The following TAFA5 variants were observed in gnomAD, a reference collection of about 807,000 sequenced individuals.
TAFA5 encodes the protein chemokine-like protein TAFA-5.
Under a neutral mutation model 15.3 loss-of-function variants are expected in TAFA5, and 6 were observed. The observed-to-expected ratio is 0.39, with a 90% CI of 0.21 to 0.77. TAFA5 has a LOEUF of 0.77. Among genes scored for constraint, TAFA5 ranks in the 30% least tolerant of loss-of-function variants. The probability of loss-of-function intolerance (pLI) is 0.41; values close to 1 mark genes in which losing one functional copy is unlikely to be tolerated. For synonymous variants in TAFA5, 103 were observed against 80.7 expected, an observed-to-expected ratio of 1.28 and a Z score of -1.48; for missense variants, 161 against 193.1, an observed-to-expected ratio of 0.83 and a Z score of 0.98.
At chr22:48,737,743 T>C (rs1306581676) in intron 3 of TAFA5, among the ~76,000 whole-genome samples, 1 of 152,182 alleles carries the variant, frequency 6.6e-6, no homozygotes, top group Non-Finnish European at 1.5e-5. Flanking sequence ...TCCCTAGCGC[T>C]GGATGTGACT....
chr22:48,558,394 G>C (rs918423886), intron 1 of TAFA5, among the ~76,000 whole-genome samples: 1 of 152,130 alleles, frequency 6.6e-6, no homozygotes, highest in African/African-American at 2.4e-5. Flanking sequence ...CTGACATAAC[G>C]CTCTTTAATG....
chr22:48,528,932 A>T (rs1434789863), intron 1 of TAFA5, among the ~76,000 whole-genome samples: 1 of 152,126 alleles, frequency 6.6e-6, no homozygotes, highest in South Asian at 2.1e-4. Flanking sequence ...CAGGGAGACA[A>T]TGAGGGGGTA....
At chr22:48,743,335 CCTCTGT>C (rs1930236161) in intron 3 of TAFA5, among the ~76,000 whole-genome samples, 2 of 152,220 alleles carry the variant, frequency 1.3e-5, no homozygotes, top group Non-Finnish European at 2.9e-5. Context: ...GTGGCTCCCG[CCTCTGT>C]CTCTGTCTGC....
rs529104677 is a variant in TAFA5, at chr22:48,632,104, C to T, written c.113-14493C>T. Among the ~76,000 whole-genome samples, 7 of 152,352 alleles carry T rather than the reference C, an allele frequency of 4.6e-5. No homozygotes were observed. In the South Asian group the frequency reaches 1.2e-3, roughly 27 times the overall value. Reference sequence around the variant, plus strand: ...GGCCGGACGTGGTCTTCCTAAAGGTCATCTCCTACCTGGGAGTTGGGAGCG... The same window carrying T: ...GGCCGGACGTGGTCTTCCTAAAGGTTATCTCCTACCTGGGAGTTGGGAGCG... On this transcript the variant is annotated intron_variant, in intron 1 of 3. Coordinates refer to ENST00000402357, the MANE Select transcript of TAFA5 (RefSeq NM_001082967.3).
chr22:48,630,591 C>A (rs556621043), intron 1 of TAFA5, among the ~76,000 whole-genome samples: 99 of 152,248 alleles, frequency 6.5e-4, no homozygotes, highest in Non-Finnish European at 1.2e-3. Flanking sequence ...ATTGGTGGGG[C>A]CAGGTGGACC....
At chr22:48,585,850 GAC>G (rs143322116) in intron 1 of TAFA5, among the ~76,000 whole-genome samples, 2 of 151,602 alleles carry the variant, frequency 1.3e-5, no homozygotes, top group East Asian at 2.0e-4. Context: ...CACATGCCAA[GAC>G]ACACACACAC....
chr22:48,542,274 TGG>T (rs199651526), intron 1 of TAFA5, among the ~76,000 whole-genome samples: 5 of 134,218 alleles, frequency 3.7e-5, no homozygotes, highest in East Asian at 2.4e-4. Flanking sequence ...GTGGTGTGTG[TGG>T]GGGGTGTGTG....
intron 1 of TAFA5, among the ~76,000 whole-genome samples, chr22:48,542,695 G>T (rs1922499167): frequency 1.4e-5 from 2 of 137,996 alleles, no homozygotes; most frequent in South Asian, 2.5e-4. Context: ...TGTATGTGTG[G>T]TGTGTGTGAT....
intron 2 of TAFA5, among the ~76,000 whole-genome samples, chr22:48,654,616 C>G (rs1927173504): frequency 1.3e-5 from 2 of 152,224 alleles, no homozygotes; most frequent in African/African-American, 4.8e-5. Context: ...TGCAGGCCTC[C>G]CGGCACTGAC....
chr22:48,728,719 G>A (rs779788105), intron 3 of TAFA5, among the ~76,000 whole-genome samples: 3 of 152,102 alleles, frequency 2.0e-5, no homozygotes, highest in South Asian at 2.1e-4. Context: ...CAACTTAAGC[G>A]GGAGGAAAAG....
At chr22:48,644,498 T>C (rs975266434) in intron 1 of TAFA5, among the ~76,000 whole-genome samples, 3 of 152,168 alleles carry the variant, frequency 2.0e-5, no homozygotes, top group Admixed American at 6.5e-5. Flanking sequence ...AGTCATCCAG[T>C]GCCTCCTGGT....
chr22:48,571,254 TTTG>T (rs958639208), intron 1 of TAFA5, among the ~76,000 whole-genome samples: 7 of 151,664 alleles, frequency 4.6e-5, no homozygotes, highest in African/African-American at 1.2e-4. Flanking sequence ...AGAACATTTT[TTTG>T]TTGTTGTTGT....
At chr22:48,581,741 T>G (rs1361962510) in intron 1 of TAFA5, among the ~76,000 whole-genome samples, 1 of 152,184 alleles carries the variant, frequency 6.6e-6, no homozygotes, top group East Asian at 1.9e-4. Context: ...TCATAGGTGT[T>G]CATATCATTG....
At chr22:48,729,897 G>A (rs1980543) in intron 3 of TAFA5, among the ~76,000 whole-genome samples, 34,750 of 151,812 alleles carry the variant, frequency 0.23, 4,246 homozygotes, top group Admixed American at 0.32. Context: ...GCCAGGCACC[G>A]TGTCAGGCAC....
At chr22:48,596,728 C>T (rs1924777850) in intron 1 of TAFA5, among the ~76,000 whole-genome samples, 1 of 139,306 alleles carries the variant, frequency 7.2e-6, no homozygotes, top group African/African-American at 2.7e-5. Context: ...CGTATCGTGA[C>T]GTGCGTCCAC....
chr22:48,716,902 A>G (rs1241572524), intron 3 of TAFA5, among the ~76,000 whole-genome samples: 3 of 152,210 alleles, frequency 2.0e-5, no homozygotes, highest in African/African-American at 7.2e-5. Flanking sequence ...GAATTTTCTA[A>G]AAGAAATGGG....
chr22:48,737,887 G>T (rs575406448), intron 3 of TAFA5, among the ~76,000 whole-genome samples: 1 of 152,244 alleles, frequency 6.6e-6, no homozygotes, highest in Admixed American at 6.5e-5. Flanking sequence ...GCTGGACCGA[G>T]CGTGAGATGC....
chr22:48,628,160 C>T (rs995170575), intron 1 of TAFA5, among the ~76,000 whole-genome samples: 6 of 152,148 alleles, frequency 3.9e-5, no homozygotes, highest in South Asian at 2.1e-4. Context: ...TGGGAGGTGA[C>T]GCAGCTGGCA....
chr22:48,585,720 A>G (rs1924329566), intron 1 of TAFA5, among the ~76,000 whole-genome samples: 2 of 151,688 alleles, frequency 1.3e-5, no homozygotes, highest in East Asian at 1.9e-4. Flanking sequence ...TATACCACAC[A>G]CAACACACAC....
Sources: allele counts gnomAD v4.1 joint callset (sites outside exome capture counted in the v4.1 genomes callset), GRCh38; gene constraint gnomAD v4.1.1; transcripts MANE v1.5; gene names NCBI Gene and HGNC (gene_info 2026-07-23, HGNC 2026-07-21).